The following NBPF20 variants were observed in gnomAD, a reference collection of about 807,000 sequenced individuals.
The protein encoded by NBPF20 is NBPF member 20.
NBPF20 carries 90 observed loss-of-function variants against 68.1 expected under a neutral mutation model. That is an observed-to-expected ratio of 1.32 (90% CI 1.11 to 1.58). NBPF20 has a LOEUF of 1.58. Among genes scored for constraint, NBPF20 ranks in the 40% most tolerant of loss-of-function variants. NBPF20 has a pLI of 0.00. For missense variants in NBPF20, 816 were observed against 601.2 expected (o/e 1.36, Z -3.74); for synonymous variants, 290 against 228.1 (o/e 1.27, Z -2.45).
the NBPF20 span, among the ~76,000 whole-genome samples, chr1:145,411,971 CCAGA>C: frequency 5.2e-5 from 5 of 96,720 alleles, no homozygotes; most frequent in African/African-American, 4.5e-5. Context: ...GCTCATTTGT[CCAGA>C]CAGAGCCCAC....
chr1:145,412,306 T>C, the NBPF20 span, among the ~76,000 whole-genome samples: 2 of 152,046 alleles, frequency 1.3e-5, no homozygotes, highest in African/African-American at 2.4e-5. Flanking sequence ...AAAACCTTTG[T>C]CTACTGTGTC....
chr1:145,394,937 C>A, intron 8 of NBPF20, 41 bp downstream of exon 13: 2 of 1,611,718 alleles, frequency 1.2e-6, no homozygotes, highest in Non-Finnish European at 1.7e-6. Flanking sequence ...CTACCTGGGC[C>A]ATGAACTGGA....
chr1:145,394,786 C>A (rs1268304835), intron 8 of NBPF20, among the ~76,000 whole-genome samples, 192 bp downstream of exon 13: 4 of 152,150 alleles, frequency 2.6e-5, no homozygotes, highest in African/African-American at 9.7e-5. Flanking sequence ...AGGAAGAGAG[C>A]AAAGCTCACT....
chr1:145,410,737 T>TATATATATATATAC, the NBPF20 span, among the ~76,000 whole-genome samples: 3 of 144,606 alleles, frequency 2.1e-5, no homozygotes, highest in African/African-American at 7.6e-5. Flanking sequence ...TGCCTGTCTG[T>TATATATATATATAC]GTATATATAT....
At chr1:145,415,828 C>A in the NBPF20 span, among the ~76,000 whole-genome samples, 1 of 151,088 alleles carries the variant, frequency 6.6e-6, no homozygotes, top group Non-Finnish European at 1.5e-5. Context: ...AATCTGATCT[C>A]TCTTTCTTTT....
At chr1:145,291,984 C>G (rs1423085791) in intron 137 of NBPF20, among the ~76,000 whole-genome samples, 20 of 149,716 alleles carry the variant, frequency 1.3e-4, no homozygotes, top group South Asian at 2.1e-4. Context: ...GAGACAGAGA[C>G]AGAGAGAGAG....
Position 145,291,877 on chromosome 1 carries a change from T to C in NBPF20, c.16698-108A>G, listed in dbSNP as rs61812477. 71 of 1,596,806 alleles carry C rather than the reference T, an allele frequency of 4.4e-5. 1 individual carries two copies. The highest frequency in any genetic ancestry group is 3.3e-4 in the South Asian group (29 of 87,824). ...GGAAGTGGTTAGAAAAGAAAAAGGA[T>C]AGATCCATTAATGAGGTAAAAAAAA... On this transcript the variant is annotated intron_variant, in intron 137 of 137. Coordinates refer to ENST00000369373, the Ensembl canonical transcript of NBPF20.
At chr1:145,404,100 G>A (rs1440795129) in intron 2 of NBPF20, among the ~76,000 whole-genome samples, 2 of 136,700 alleles carry the variant, frequency 1.5e-5, no homozygotes, top group Non-Finnish European at 3.1e-5. Context: ...CAGGAGACAG[G>A]CTGAGGGTCC....
upstream of NBPF20, among the ~76,000 whole-genome samples, chr1:145,410,184 C>T (rs1662953363): frequency 6.6e-6 from 1 of 151,994 alleles, no homozygotes; most frequent in Non-Finnish European, 1.5e-5. Context: ...CCAACAGGTG[C>T]TATTTTCAGC....
the NBPF20 span, among the ~76,000 whole-genome samples, chr1:145,415,312 C>T: frequency 6.6e-6 from 1 of 151,918 alleles, no homozygotes; most frequent in Non-Finnish European, 1.5e-5. Flanking sequence ...TCGGGCTTTA[C>T]ACCGAGACAT....
upstream of NBPF20, among the ~76,000 whole-genome samples, chr1:145,410,412 T>A (rs2101608999): frequency 6.6e-6 from 1 of 150,534 alleles, no homozygotes; most frequent in South Asian, 2.1e-4. Flanking sequence ...CCTCCCGGGT[T>A]CACGCCATTC....
intron 9 of NBPF20, among the ~76,000 whole-genome samples, 193 bp from the exon 15 acceptor site, chr1:145,393,439 ACACT>A (rs1237256036): frequency 3.6e-5 from 5 of 138,484 alleles, no homozygotes; most frequent in African/African-American, 1.4e-4. Flanking sequence ...AGAGAGACAC[ACACT>A]CACACACACA....
intron 8 of NBPF20, among the ~76,000 whole-genome samples, chr1:145,394,692 T>C (rs1403531975): frequency 6.6e-6 from 1 of 151,958 alleles, no homozygotes; most frequent in Non-Finnish European, 1.5e-5. Context: ...ATGTGCTGCA[T>C]AGTTTGGTGT....
chr1:145,292,423 C>A (rs1661182496), exon 137 of NBPF20: 3 of 697,394 alleles, frequency 4.3e-6, no homozygotes, highest in Admixed American at 2.2e-5. Context: ...TTCTTTTCTT[C>A]CCCTTCTTCT....
chr1:145,412,261 T>A, the NBPF20 span, among the ~76,000 whole-genome samples: 2 of 152,106 alleles, frequency 1.3e-5, no homozygotes, highest in South Asian at 2.1e-4. Context: ...GGCTACTTTG[T>A]TTTTGGAAGC....
At chr1:145,306,450 TA>T (rs1661414430) in intron 119 of NBPF20, among the ~76,000 whole-genome samples, 1 of 116,358 alleles carries the variant, frequency 8.6e-6, no homozygotes, top group African/African-American at 3.1e-5. Flanking sequence ...TAATTTTCCA[TA>T]AAATGTGCTC....
intron 2 of NBPF20, among the ~76,000 whole-genome samples, chr1:145,403,523 C>T (rs1203603393): frequency 6.6e-6 from 1 of 152,374 alleles, no homozygotes; most frequent in East Asian, 1.9e-4. Context: ...AGAAAGAGAA[C>T]CTCAAGGGCA....
At chr1:145,402,484 A>G (rs1419643548) in intron 3 of NBPF20, 103 bp from the exon 9 acceptor site, 8 of 1,239,462 alleles carry the variant, frequency 6.5e-6, no homozygotes, top group Non-Finnish European at 9.5e-6. Context: ...GGAGACCTCG[A>G]AGCAGAAGGT....
intron 3 of NBPF20, among the ~76,000 whole-genome samples, chr1:145,402,665 C>T (rs1216085162): frequency 1.7e-4 from 26 of 150,854 alleles, no homozygotes; most frequent in African/African-American, 5.9e-4. Flanking sequence ...AAAAGACATC[C>T]TTTCAGTTCC....
Sources: allele counts gnomAD v4.1 joint callset (sites outside exome capture counted in the v4.1 genomes callset), GRCh38; gene constraint gnomAD v4.1.1; transcripts MANE v1.5; gene names NCBI Gene and HGNC (gene_info 2026-07-23, HGNC 2026-07-21).